Variants in FRMPD2 observed in about 807,000 individuals in gnomAD.
FRMPD2 encodes the protein FERM and PDZ domain containing 2.
Under a neutral mutation model 140.1 loss-of-function variants are expected in FRMPD2, and 96 were observed. The ratio of observed to expected loss-of-function variants is 0.69; its 90% CI spans 0.58 to 0.81. The LOEUF (loss-of-function observed/expected upper bound fraction) is 0.81, where lower values mean the gene tolerates loss of function less well. Ranked by LOEUF, FRMPD2 falls within the 40% of genes least tolerant of loss-of-function variation. The probability of loss-of-function intolerance (pLI) is 0.00; values close to 1 mark genes in which losing one functional copy is unlikely to be tolerated. For missense variants in FRMPD2, 1,240 were observed against 1,447.4 expected (o/e 0.86, Z 2.32); for synonymous variants, 449 against 547.6 (o/e 0.82, Z 2.52).
intron 13 of FRMPD2, among the ~76,000 whole-genome samples, chr10:48,211,064 C>G (rs1014034308): frequency 6.6e-6 from 1 of 152,242 alleles, no homozygotes; most frequent in Admixed American, 6.5e-5. Context: ...TGGTATTGTT[C>G]TTGTTCCATT....
At chr10:48,246,968 C>A (rs1403291958) in intron 3 of FRMPD2, among the ~76,000 whole-genome samples, 3 of 152,208 alleles carry the variant, frequency 2.0e-5, no homozygotes, top group Non-Finnish European at 4.4e-5. Flanking sequence ...ACTCCACTTG[C>A]CATGCTTCAT....
In FRMPD2 at chr10:48,237,994, G is replaced by C; in HGVS notation, c.918C>G (p.Ser306Arg). 6.2e-7 allele frequency: 1 copy of C among 1,614,118 alleles called. No individual in the cohort carries two copies. Residue 306 changes from serine to arginine, a missense_variant, in exon 8 of 29, where the codon AGC (serine) becomes AGG (arginine). Around this residue, in one of 6 missense-constraint regions of FRMPD2, gnomAD observed 1,161 missense variants for 1,055.9 expected, o/e 1.10. Coordinates refer to ENST00000374201, the MANE Select transcript of FRMPD2 (RefSeq NM_001018071.4). ...PSQRGFLQRRSKFSRPEFILL... is the reference protein window; with the variant it reads ...PSQRGFLQRRRKFSRPEFILL... ...CCTTCAGCCTTATTTTGCTTACCTT[G>C]CTCCTTCTTTGCAGAAAACCCCTCT...
At chr10:48,179,786 T>G (rs1353463084) in intron 21 of FRMPD2, among the ~76,000 whole-genome samples, 1 of 152,038 alleles carries the variant, frequency 6.6e-6, no homozygotes, top group Non-Finnish European at 1.5e-5. Context: ...GAAACGAGGT[T>G]GAAAGAGGTG....
At chr10:48,209,885 G>A (rs1332493090) in intron 13 of FRMPD2, among the ~76,000 whole-genome samples, 2 of 152,134 alleles carry the variant, frequency 1.3e-5, no homozygotes, top group African/African-American at 2.4e-5. Flanking sequence ...ATAGAGCATT[G>A]AGAGAAAAAA....
intron 27 of FRMPD2, 76 bp from the exon 28 acceptor site, chr10:48,163,747 C>T (rs1838018145): frequency 1.3e-6 from 1 of 744,978 alleles, no homozygotes; most frequent in Non-Finnish European, 2.5e-6. Context: ...CTTTTTTCCC[C>T]CATGTGATTA....
intron 12 of FRMPD2, among the ~76,000 whole-genome samples, chr10:48,215,838 T>C (rs1359909130): frequency 2.0e-5 from 3 of 152,204 alleles, no homozygotes; most frequent in African/African-American, 7.2e-5. Flanking sequence ...GTCCATTTTA[T>C]GTGTCAACTT....
At chr10:48,217,597 G>C (rs1489263439) in intron 12 of FRMPD2, among the ~76,000 whole-genome samples, 1 of 152,170 alleles carries the variant, frequency 6.6e-6, no homozygotes, top group African/African-American at 2.4e-5. Context: ...AATGTGCATT[G>C]CATATAGAAA....
At chr10:48,186,518 G>A (rs2131840141) in intron 17 of FRMPD2, among the ~76,000 whole-genome samples, 1 of 152,266 alleles carries the variant, frequency 6.6e-6, no homozygotes, top group East Asian at 1.9e-4. Flanking sequence ...GAGATCTGAT[G>A]GGTTTATCCG....
chr10:48,218,425 T>C (rs754421041), intron 12 of FRMPD2, among the ~76,000 whole-genome samples: 1 of 152,232 alleles, frequency 6.6e-6, no homozygotes, highest in Non-Finnish European at 1.5e-5. Flanking sequence ...CATGTATTTC[T>C]GGCCACATGT....
chr10:48,199,336 A>G (rs1194247602), intron 15 of FRMPD2, among the ~76,000 whole-genome samples: 1 of 152,140 alleles, frequency 6.6e-6, no homozygotes, highest in African/African-American at 2.4e-5. Flanking sequence ...GTCCTGGTAA[A>G]ACAAGGGTAT....
In FRMPD2 at chr10:48,251,030, T is replaced by G. The variant is rs535934156; in HGVS notation, c.151+536A>C. ...GTTGGCCAGGCTGGTCCCAAACCCC[T>G]GACCTCAGGTAATCTGCCCACCTTG... On this transcript the variant is annotated intron_variant, in intron 2 of 28. Coordinates refer to ENST00000374201, the MANE Select transcript of FRMPD2 (RefSeq NM_001018071.4). Among the ~76,000 whole-genome samples, 3 of 152,062 alleles carry G rather than the reference T, an allele frequency of 2.0e-5. No individual in the cohort carries two copies. The East Asian group carries it at 5.8e-4, about 29-fold the overall frequency.
intron 14 of FRMPD2, among the ~76,000 whole-genome samples, chr10:48,202,544 T>G (rs1264487677): frequency 6.6e-6 from 1 of 152,248 alleles, no homozygotes; most frequent in Non-Finnish European, 1.5e-5. Context: ...CTAATAGGAA[T>G]GGATTCTGAA....
At chr10:48,246,271 G>A (rs1195103305) in intron 3 of FRMPD2, among the ~76,000 whole-genome samples, 1 of 152,218 alleles carries the variant, frequency 6.6e-6, no homozygotes, top group Admixed American at 6.5e-5. Flanking sequence ...GGACTGAAGT[G>A]CAGACAGAGC....
chr10:48,249,764 G>A (rs1343648954), intron 2 of FRMPD2, among the ~76,000 whole-genome samples: 1 of 152,186 alleles, frequency 6.6e-6, no homozygotes, highest in African/African-American at 2.4e-5. Context: ...TAATGCCTAG[G>A]AGCCCCATAG....
chr10:48,192,303 C>T (rs1383326374), intron 16 of FRMPD2, among the ~76,000 whole-genome samples: 1 of 152,100 alleles, frequency 6.6e-6, no homozygotes, highest in Non-Finnish European at 1.5e-5. Context: ...ATTTCTTGGC[C>T]AGGCTTGGTG....
At chr10:48,216,084 C>T (rs968493930) in intron 12 of FRMPD2, among the ~76,000 whole-genome samples, 2 of 152,216 alleles carry the variant, frequency 1.3e-5, no homozygotes, top group African/African-American at 4.8e-5. Context: ...CTTCTCTTGC[C>T]TTTGGATTCA....
At position 48,163,280 on chromosome 10, in the gene FRMPD2, T is replaced by C. The variant is rs111265249; in HGVS notation, c.3881+48A>G. On this transcript the variant is annotated intron_variant, in intron 28 of 28. Transcript: ENST00000374201. ...TGGCTTGATTACAATTTCCTAGCAATGAGATGCACACAGTTTACAAAATGT... is the reference window on the plus strand; with the variant it reads ...TGGCTTGATTACAATTTCCTAGCAACGAGATGCACACAGTTTACAAAATGT... The C allele has an allele frequency of 9.5e-5, 124 of 1,299,264 alleles. 1 individual carries two copies. Among genetic ancestry groups the C allele is most frequent in the Middle Eastern group, 2.6e-4 (1 of 3,836 alleles). 80.5% of individuals were successfully genotyped at this position (1,299,264 alleles called of 1,614,324 possible).
intron 20 of FRMPD2, among the ~76,000 whole-genome samples, chr10:48,182,004 G>A (rs975211825): frequency 6.6e-6 from 1 of 151,342 alleles, no homozygotes; most frequent in African/African-American, 2.4e-5. Flanking sequence ...TATGTGGGAG[G>A]AATGAATAAC....
chr10:48,177,111 T>G (rs1240491338), intron 22 of FRMPD2, among the ~76,000 whole-genome samples: 1 of 149,048 alleles, frequency 6.7e-6, no homozygotes, highest in Admixed American at 6.6e-5. Context: ...GGATCACTTT[T>G]TTTTTTTTTT....
Sources: allele counts gnomAD v4.1 joint callset (sites outside exome capture counted in the v4.1 genomes callset), GRCh38; gene constraint gnomAD v4.1.1; regional missense constraint gnomAD v4.1.1; transcripts MANE v1.5; gene names NCBI Gene and HGNC (gene_info 2026-07-23, HGNC 2026-07-21).